The following ATE1 variants were observed in gnomAD, a reference collection of about 807,000 sequenced individuals.
ATE1 encodes arginyl-tRNA--protein transferase 1.
Under a neutral mutation model 70.5 loss-of-function variants are expected in ATE1, and 36 were observed. That is an observed-to-expected ratio of 0.51 (90% CI 0.39 to 0.67). The LOEUF (loss-of-function observed/expected upper bound fraction) is 0.67. Ranked by LOEUF, ATE1 falls within the 30% of genes least tolerant of loss-of-function variation. ATE1 has a pLI of 0.00. For synonymous variants in ATE1, 232 were observed against 219.3 expected (o/e 1.06, Z -0.51); for missense variants, 593 against 629.5 (o/e 0.94, Z 0.62).
intron 6 of ATE1, among the ~76,000 whole-genome samples, chr10:121,901,703 G>A (rs1288206775): frequency 3.3e-5 from 5 of 152,208 alleles, no homozygotes; most frequent in East Asian, 3.9e-4. Context: ...AGATCCACCT[G>A]CCTCGGCCTA....
At chr10:121,762,455 T>C (rs1945082409) in intron 11 of ATE1, among the ~76,000 whole-genome samples, 1 of 152,224 alleles carries the variant, frequency 6.6e-6, no homozygotes, top group Admixed American at 6.5e-5. Flanking sequence ...CACTGGCCGC[T>C]TCACTGTAAC....
chr10:121,902,737 G>C (rs919590261), intron 5 of ATE1, 117 bp from the exon 6 acceptor site: 1 of 1,040,484 alleles, frequency 9.6e-7, no homozygotes, highest in Non-Finnish European at 1.4e-6. Context: ...GGCTAGCTTT[G>C]GGGTAGATGT....
At chr10:121,806,127 C>G (rs1235676143) in intron 10 of ATE1, among the ~76,000 whole-genome samples, 1 of 152,072 alleles carries the variant, frequency 6.6e-6, no homozygotes, top group African/African-American at 2.4e-5. Flanking sequence ...GTCATGAAAC[C>G]ATAAAAAGGA....
intron 7 of ATE1, among the ~76,000 whole-genome samples, chr10:121,894,949 A>T (rs1950721764): frequency 6.6e-6 from 1 of 152,176 alleles, no homozygotes; most frequent in South Asian, 2.1e-4. Flanking sequence ...TAGAATACAC[A>T]ATTCTCCAAA....
rs533393115 is a variant in ATE1, at chr10:121,844,978, C to T, written c.976-3715G>A. Among the ~76,000 whole-genome samples the T allele has an allele frequency of 4.6e-5, 7 of 150,864 alleles. No individual in the cohort carries two copies. The East Asian group carries it at 1.2e-3, about 25-fold the overall frequency. On this transcript the variant is annotated intron_variant, in intron 8 of 11. Coordinates refer to ENST00000224652, the MANE Select transcript of ATE1 (RefSeq NM_001001976.3). ...TTGGGGCAATTTTTCTAAGCATGTGCTCACGTCATTAGCATTTTTTAGCAA... is the reference window on the plus strand; with the variant it reads ...TTGGGGCAATTTTTCTAAGCATGTGTTCACGTCATTAGCATTTTTTAGCAA...
intron 4 of ATE1, 67 bp from the exon 5 acceptor site, chr10:121,911,218 A>T (rs1242522180): frequency 8.4e-6 from 13 of 1,543,936 alleles, no homozygotes; most frequent in Non-Finnish European, 1.1e-5. Context: ...AAATACAGAA[A>T]TACAATGTTC....
At chr10:121,809,926 A>G (rs1947252459) in intron 10 of ATE1, among the ~76,000 whole-genome samples, 1 of 152,000 alleles carries the variant, frequency 6.6e-6, no homozygotes. Flanking sequence ...ATGCACCCAG[A>G]GGTTAGTGGT....
chr10:121,911,114 C>A lies in ATE1; in HGVS notation c.375G>T (p.Ala125=). The A allele has an allele frequency of 6.2e-7, 1 of 1,609,930 alleles. No individual in the cohort carries two copies. The highest frequency in any genetic ancestry group is 2.2e-5 in the East Asian group (1 of 44,818). ...PMDSTMDDAV[A]GDFALINKLD... ...GTTTATTTATCAATGCAAAGTCACC[C>A]GCAACAGCATCATCCATTGTGGAAT... Residue 125 remains alanine, a synonymous_variant, in exon 5 of 12, where the codon GCG becomes GCT. Coordinates refer to ENST00000224652, the MANE Select transcript of ATE1 (RefSeq NM_001001976.3).
At position 121,910,419 on chromosome 10, in the gene ATE1, AT is replaced by A. The variant is rs563875223; in HGVS notation, c.583+486del. Among the ~76,000 whole-genome samples the A allele has an allele frequency of 2.1e-3, 322 of 152,352 alleles. 1 individual carries two copies. The highest frequency in any genetic ancestry group is 5.5e-3 in the Admixed American group (84 of 15,302). ...CTTTTATAAGTAATAACATAAAAAA[AT>A]CTTACCTGATTAAAGGCAAAGTTAA... On this transcript the variant is annotated intron_variant, in intron 5 of 11. Coordinates refer to ENST00000224652, the MANE Select transcript of ATE1 (RefSeq NM_001001976.3).
intron 7 of ATE1, among the ~76,000 whole-genome samples, chr10:121,874,712 AGAT>A (rs1479170147): frequency 2.6e-5 from 4 of 152,242 alleles, no homozygotes; most frequent in Non-Finnish European, 4.4e-5. Context: ...ACATCTTAAA[AGAT>A]GACAACAAGG....
rs888228776 is a variant in ATE1, at chr10:121,877,903, A to T, written c.943-7865T>A. Among the ~76,000 whole-genome samples the T allele has an allele frequency of 1.6e-4, 24 of 152,232 alleles. 1 individual carries two copies. Among genetic ancestry groups the T allele is most frequent in the Non-Finnish European group, 3.4e-4 (23 of 68,042 alleles). On this transcript the variant is annotated intron_variant, in intron 7 of 11. Coordinates refer to ENST00000224652, the MANE Select transcript of ATE1 (RefSeq NM_001001976.3). ...CCCAGGTATATATCTAAGAGAAATT[A>T]GTGTTATGTCCATCAAAAGATACGT...
chr10:121,899,555 G>A (rs887451369), intron 7 of ATE1, among the ~76,000 whole-genome samples: 25 of 152,238 alleles, frequency 1.6e-4, no homozygotes, highest in African/African-American at 6.0e-4. Flanking sequence ...ATAGTTTCCT[G>A]AGTTTTCCTC....
At position 121,927,996 on chromosome 10, in the gene ATE1, C is replaced by A. The variant is rs904871339; in HGVS notation, c.-47G>T. ...CAGCCGCCCGGCCCCGCGTCGCTAG[C>A]GCGGCCGCCGCCGCCACCCCACAAT... On this transcript the variant is annotated 5_prime_UTR_variant, in exon 1 of 12. Transcript: ENST00000224652. 6.4e-6 allele frequency: 9 copies of A among 1,405,836 alleles called. No individual in the cohort carries two copies. The highest frequency in any genetic ancestry group is 7.4e-6 in the Non-Finnish European group (8 of 1,076,600). 87.1% of individuals were successfully genotyped at this position (1,405,836 alleles called of 1,614,324 possible).
intron 8 of ATE1, among the ~76,000 whole-genome samples, chr10:121,847,933 T>C (rs1948898444): frequency 6.6e-6 from 1 of 151,538 alleles, no homozygotes; most frequent in African/African-American, 2.4e-5. Context: ...TAGCCAGGTG[T>C]GGTGGCACGT....
At chr10:121,841,304 T>C (rs778168381) in intron 8 of ATE1, 41 bp from the exon 9 acceptor site, 2 of 1,265,258 alleles carry the variant, frequency 1.6e-6, no homozygotes, top group South Asian at 2.7e-5. Flanking sequence ...TTTTTTAATA[T>C]TAAAATAATC....
At position 121,817,538 on chromosome 10, in the gene ATE1, C is replaced by CA. The variant is rs10625101; in HGVS notation, c.1257+19179dup. 9.9e-3 allele frequency among the ~76,000 whole-genome samples: 1,418 copies of CA among 143,148 alleles called. 20 individuals are homozygous for CA. The highest frequency in any genetic ancestry group is 0.027 in the African/African-American group (1,043 of 39,162). The allele number at this position is 143,148 out of a possible 152,430, so 93.9% of individuals were successfully genotyped here. On this transcript the variant is annotated intron_variant, in intron 10 of 11. Coordinates refer to ENST00000224652, the MANE Select transcript of ATE1 (RefSeq NM_001001976.3). ...TGGGCGACAGAGCGAGACTCTGTCT[C>CA]AAAAAAAAAAAAGAAGAGCTCAAAT...
intron 10 of ATE1, among the ~76,000 whole-genome samples, chr10:121,818,494 A>G (rs1342380576): frequency 6.6e-6 from 1 of 152,246 alleles, no homozygotes; most frequent in Non-Finnish European, 1.5e-5. Context: ...TTGCTATGGC[A>G]GAGGCAGGCA....
intron 4 of ATE1, among the ~76,000 whole-genome samples, chr10:121,912,186 G>A (rs1042410253): frequency 1.3e-5 from 2 of 151,232 alleles, no homozygotes; most frequent in East Asian, 2.0e-4. Context: ...CACCACACCC[G>A]GCCCCGAAAG....
Position 121,841,201 on chromosome 10 carries a change from A to G in ATE1, c.1038T>C (p.Leu346=). The change falls in exon 9 of 12, where the codon CTT becomes CTC. Residue 346 remains leucine (L), a synonymous_variant. Transcript: ENST00000224652. ...CCCCCACAGCAATGATCTTTCCGTC[A>G]AGCCAGTACTGCTGGTGAAAGGAGC... ...GYGSFHQQYW[L]DGKIIAVGVI... 6.3e-7 allele frequency: 1 copy of G among 1,582,722 alleles called. No individual in the cohort carries two copies. Among genetic ancestry groups the G allele is most frequent in the Non-Finnish European group, 8.6e-7 (1 of 1,160,932 alleles).
Sources: allele counts gnomAD v4.1 joint callset (sites outside exome capture counted in the v4.1 genomes callset), GRCh38; gene constraint gnomAD v4.1.1; transcripts MANE v1.5; gene names NCBI Gene and HGNC (gene_info 2026-07-23, HGNC 2026-07-21).